The following ZNF346 variants were observed in gnomAD, a reference collection of about 807,000 sequenced individuals.
The protein encoded by ZNF346 is zinc finger protein 346, also known as double-stranded RNA-binding zinc finger protein JAZ.
Under a neutral mutation model 33.7 loss-of-function variants are expected in ZNF346, and 23 were observed. The ratio of observed to expected loss-of-function variants is 0.68; its 90% CI spans 0.49 to 0.97. The LOEUF (loss-of-function observed/expected upper bound fraction) is 0.97. Ranked by LOEUF, ZNF346 falls within the 50% of genes least tolerant of loss-of-function variation. ZNF346 has a pLI of 0.00. For synonymous variants in ZNF346, 134 were observed against 142.4 expected (o/e 0.94, Z 0.42); for missense variants, 340 against 371.1 (o/e 0.92, Z 0.69).
chr5:177,049,467 C>T (rs1229506798), intron 4 of ZNF346, among the ~76,000 whole-genome samples: 3 of 152,170 alleles, frequency 2.0e-5, no homozygotes, highest in Non-Finnish European at 2.9e-5. Flanking sequence ...TCGTGGCATC[C>T]GCTTTATGAG....
At chr5:177,026,983 T>A (rs1170252988) in intron 1 of ZNF346, among the ~76,000 whole-genome samples, 1 of 152,156 alleles carries the variant, frequency 6.6e-6, no homozygotes, top group East Asian at 1.9e-4. Context: ...GAATAGGAAG[T>A]GATTGCTATC....
At position 177,028,782 on chromosome 5, in the gene ZNF346, C is replaced by T. The variant is rs1029960641; in HGVS notation, c.175+5869C>T. Among the ~76,000 whole-genome samples, 3 of 123,086 alleles carry T rather than the reference C, an allele frequency of 2.4e-5. No individual in the cohort carries two copies. The East Asian group carries it at 7.8e-4, about 32-fold the overall frequency. 80.7% of individuals were successfully genotyped at this position (123,086 alleles called of 152,430 possible). A position where few individuals can be genotyped will look rare whatever the true frequency, so the allele number is the denominator to read the frequency against. On this transcript the variant is annotated intron_variant, in intron 1 of 6. Transcript: ENST00000358149. ...TTGCCCAGGCTGGAGTGCAGTGGTG[C>T]GATCTCGGCTCACTGCAAGCTCCGC...
At chr5:177,070,848 C>T (rs947464185), downstream of ZNF346, among the ~76,000 whole-genome samples, 18 of 152,086 alleles carry the variant, frequency 1.2e-4, no homozygotes, top group Non-Finnish European at 2.1e-4. Context: ...AAAAGTCACC[C>T]TCCACTACTG....
chr5:177,075,446 T>C (rs948404060), intron 8 of ZNF346, among the ~76,000 whole-genome samples: 1 of 152,134 alleles, frequency 6.6e-6, no homozygotes, highest in African/African-American at 2.4e-5. Context: ...TTAATACTCC[T>C]CCCTTCAATA....
chr5:177,056,724 T>G (rs999187407), intron 5 of ZNF346, among the ~76,000 whole-genome samples: 1 of 143,732 alleles, frequency 7.0e-6, no homozygotes, highest in Non-Finnish European at 1.5e-5. Context: ...ATGAGAACAC[T>G]TGGACACAGG....
chr5:177,064,277 CT>C (rs1782914380), intron 6 of ZNF346, among the ~76,000 whole-genome samples: 1 of 152,182 alleles, frequency 6.6e-6, no homozygotes, highest in Non-Finnish European at 1.5e-5. Context: ...GCTTTCTGAA[CT>C]TTAGTTTCCT....
intron 5 of ZNF346, among the ~76,000 whole-genome samples, 178 bp from the exon 6 acceptor site, chr5:177,061,880 C>T (rs2149702853): frequency 6.6e-6 from 1 of 152,334 alleles, no homozygotes; most frequent in East Asian, 1.9e-4. Flanking sequence ...CCAGGAAGCA[C>T]ATAGGCACAC....
rs56172509 is a variant in ZNF346 at position 177,028,707 on chromosome 5, C to CTTTTT, written c.175+5818_175+5822dup. ...TTTGTTATTTATAACAAGCCCCTTTCTTTTTTTTTTTTTTTTTTTTTTTTT... is the reference window on the plus strand; with the variant it reads ...TTTGTTATTTATAACAAGCCCCTTTCTTTTTTTTTTTTTTTTTTTTTTTTTTTTTT... On this transcript the variant is annotated intron_variant, in intron 1 of 6. Transcript: ENST00000358149. Among the ~76,000 whole-genome samples the CTTTTT allele has an allele frequency of 2.6e-3, 177 of 67,402 alleles. 6 individuals are homozygous for CTTTTT. The highest frequency in any genetic ancestry group is 0.02 in the Middle Eastern group (2 of 100). 44.2% of individuals were successfully genotyped at this position (67,402 alleles called of 152,430 possible).
intron 1 of ZNF346, among the ~76,000 whole-genome samples, chr5:177,029,350 C>G (rs1777345372): frequency 6.6e-6 from 1 of 152,180 alleles, no homozygotes; most frequent in African/African-American, 2.4e-5. Context: ...GGGATAGACG[C>G]TCCTACACAT....
Position 177,065,577 on chromosome 5 carries a change from G to C in ZNF346, c.*978G>C, listed in dbSNP as rs1783082099. 6.6e-6 allele frequency: 1 copy of C among 152,650 alleles called. No homozygotes were observed. Among genetic ancestry groups the C allele is most frequent in the South Asian group, 2.1e-4 (1 of 4,828 alleles). The allele number at this position is 152,650 out of a possible 1,614,324, so 9.5% of individuals were successfully genotyped here. A position where few individuals can be genotyped will look rare whatever the true frequency, so the allele number is the denominator to read the frequency against. On this transcript the variant is annotated 3_prime_UTR_variant, in exon 7 of 7. Coordinates refer to ENST00000358149, the MANE Select transcript of ZNF346 (RefSeq NM_012279.4). ...CACCGGGTGATTTCTGGGTCCCAGG[G>C]AAAGAAAGAGAGAGCTGATGCAGGT...
At chr5:177,041,377 C>T (rs917651456) in intron 2 of ZNF346, 148 bp downstream of exon 2, 1 of 660,692 alleles carries the variant, frequency 1.5e-6, no homozygotes, top group Admixed American at 2.5e-5. Context: ...TGAAGATTGA[C>T]TTAATCTCCT....
At position 177,066,920 on chromosome 5, in the gene ZNF346, C is replaced by T. The variant is rs1199587960; in HGVS notation, c.*2321C>T. Among the ~76,000 whole-genome samples, 1 of 151,956 alleles carries T rather than the reference C, an allele frequency of 6.6e-6. No homozygotes were observed. ...CTATAAAAAATACGAAAATCAGCTG[C>T]GCCTGGTGGCACACATCTGTAGTCC... On this transcript the variant is annotated 3_prime_UTR_variant, in exon 7 of 7. Coordinates refer to ENST00000358149, the MANE Select transcript of ZNF346 (RefSeq NM_012279.4).
At chr5:177,071,892 C>A (rs1430996018), downstream of ZNF346, among the ~76,000 whole-genome samples, 1 of 152,168 alleles carries the variant, frequency 6.6e-6, no homozygotes, top group Non-Finnish European at 1.5e-5. Context: ...AGAGACAGGG[C>A]AGACCCGTCC....
Position 177,026,880 on chromosome 5 carries a change from T to C in ZNF346, c.175+3967T>C, listed in dbSNP as rs187199306. Among the ~76,000 whole-genome samples, 409 of 152,292 alleles carry C rather than the reference T, an allele frequency of 2.7e-3. 1 individual carries two copies. The highest frequency in any genetic ancestry group is 9.6e-3 in the African/African-American group (399 of 41,564). On this transcript the variant is annotated intron_variant, in intron 1 of 6. Transcript: ENST00000358149. Reference sequence around the variant, plus strand: ...GTACATTAAGCTGTAGGATGTAGGATATAGCGTCAGGTAGGGCATTATTAG... The same window carrying C: ...GTACATTAAGCTGTAGGATGTAGGACATAGCGTCAGGTAGGGCATTATTAG...
At chr5:177,072,936 C>G (rs950344268), downstream of ZNF346, among the ~76,000 whole-genome samples, 2 of 152,230 alleles carry the variant, frequency 1.3e-5, no homozygotes, top group East Asian at 1.9e-4. Flanking sequence ...CTATAACTTG[C>G]AACCAAGATT....
intron 6 of ZNF346, 55 bp from the exon 7 acceptor site, chr5:177,064,457 G>A: frequency 7.2e-7 from 1 of 1,396,628 alleles, no homozygotes; most frequent in Non-Finnish European, 1.0e-6. Flanking sequence ...CATTGCAGTA[G>A]GCCAATACAG....
chr5:177,057,729 C>A lies in ZNF346; in HGVS notation c.704-4329C>A, dbSNP rs1411155180. On this transcript the variant is annotated intron_variant, in intron 5 of 6. Transcript: ENST00000358149. ...CTCCAGTCTGGGCGACGGGGTGAGA[C>A]CCTGTCTCAAAAAAAAAAAAAAGAA... Among the ~76,000 whole-genome samples the A allele has an allele frequency of 4.1e-5, 6 of 145,496 alleles. No homozygotes were observed. In the South Asian group the frequency reaches 1.1e-3, roughly 26 times the overall value.
At chr5:177,031,080 G>A (rs1391226050) in intron 1 of ZNF346, among the ~76,000 whole-genome samples, 3 of 152,068 alleles carry the variant, frequency 2.0e-5, no homozygotes, top group African/African-American at 7.2e-5. Flanking sequence ...CTGTCGCCCA[G>A]GCTGGAGTGC....
In ZNF346 at chr5:177,060,881, C is replaced by T. The variant is rs189419690; in HGVS notation, c.704-1177C>T. ...ATCCCAGCACTTTGGGAGGCCGAGG[C>T]GGGTGGATCACGAAGTCAGGAGATC... On this transcript the variant is annotated intron_variant, in intron 5 of 6. Transcript: ENST00000358149. Among the ~76,000 whole-genome samples, 1,386 of 151,962 alleles carry T rather than the reference C, an allele frequency of 9.1e-3. 8 individuals carry two copies. Among genetic ancestry groups the T allele is most frequent in the South Asian group, 0.025 (121 of 4,822 alleles).
Sources: allele counts gnomAD v4.1 joint callset (sites outside exome capture counted in the v4.1 genomes callset), GRCh38; gene constraint gnomAD v4.1.1; transcripts MANE v1.5; gene names NCBI Gene and HGNC (gene_info 2026-07-23, HGNC 2026-07-21).